Variants in NKAIN2 observed in about 807,000 individuals in gnomAD.
NKAIN2 encodes the protein sodium/potassium-transporting ATPase subunit beta-1-interacting protein 2.
Under a neutral mutation model 32.6 loss-of-function variants are expected in NKAIN2, and 14 were observed. The observed-to-expected ratio is 0.43, with a 90% CI of 0.28 to 0.67. The LOEUF (loss-of-function observed/expected upper bound fraction) is 0.67, where lower values mean the gene tolerates loss of function less well. NKAIN2 is among the 30% of genes least tolerant of loss of function. The pLI is 0.17. For synonymous variants in NKAIN2, 80 were observed against 87.2 expected, an observed-to-expected ratio of 0.92 and a Z score of 0.46; for missense variants, 198 against 258.3, an observed-to-expected ratio of 0.77 and a Z score of 1.60.
At chr6:124,524,721 G>T (rs1562237465) in intron 3 of NKAIN2, among the ~76,000 whole-genome samples, 1 of 152,118 alleles carries the variant, frequency 6.6e-6, no homozygotes. Flanking sequence ...TCAATTTTTT[G>T]AATTTGCATG....
chr6:124,509,272 T>C (rs971643163), intron 3 of NKAIN2, among the ~76,000 whole-genome samples: 1 of 152,278 alleles, frequency 6.6e-6, no homozygotes, highest in East Asian at 1.9e-4. Context: ...CCATTATCAA[T>C]AGGACTTAGA....
At chr6:124,749,544 G>A (rs970246106) in intron 4 of NKAIN2, among the ~76,000 whole-genome samples, 1 of 151,822 alleles carries the variant, frequency 6.6e-6, no homozygotes, top group South Asian at 2.1e-4. Flanking sequence ...AATCTTATAT[G>A]AGCACTCAGG....
At chr6:124,616,879 C>T (rs1782925650) in intron 3 of NKAIN2, among the ~76,000 whole-genome samples, 1 of 151,904 alleles carries the variant, frequency 6.6e-6, no homozygotes, top group African/African-American at 2.4e-5. Context: ...TTGACATATG[C>T]GTGGTTATCC....
intron 1 of NKAIN2, among the ~76,000 whole-genome samples, chr6:124,069,990 T>C (rs1225537288): frequency 6.6e-6 from 1 of 152,206 alleles, no homozygotes; most frequent in African/African-American, 2.4e-5. Flanking sequence ...CACCGAGCTC[T>C]GGTTTAGGAA....
rs139224091 is a variant in NKAIN2, at chr6:123,824,858, A to G, written c.54+20604A>G. Among the ~76,000 whole-genome samples the G allele has an allele frequency of 9.5e-3, 1,450 of 152,140 alleles. 26 individuals are homozygous for G. The highest frequency in any genetic ancestry group is 0.033 in the African/African-American group (1,383 of 41,514). On this transcript the variant is annotated intron_variant, in intron 1 of 6. Coordinates refer to ENST00000368417, the MANE Select transcript of NKAIN2 (RefSeq NM_001040214.3). The stretch of plus-strand genomic sequence containing the variant: ...CACCAGGCAACCTTTTTGCTTTTCT[A>G]CCTGATGGAAAGGTTGGGTTCAATG...
At chr6:124,396,426 A>C (rs1481483207) in intron 3 of NKAIN2, among the ~76,000 whole-genome samples, 2 of 146,128 alleles carry the variant, frequency 1.4e-5, no homozygotes, top group East Asian at 4.0e-4. Context: ...CTGCTATTTG[A>C]TTAAAAAAAA....
At chr6:124,195,197 C>T (rs1582827751) in intron 1 of NKAIN2, among the ~76,000 whole-genome samples, 1 of 151,878 alleles carries the variant, frequency 6.6e-6, no homozygotes, top group East Asian at 1.9e-4. Context: ...TTAGTCTCTA[C>T]AAATAATGTG....
At chr6:124,732,325 T>A (rs1050732776) in intron 4 of NKAIN2, among the ~76,000 whole-genome samples, 2 of 152,046 alleles carry the variant, frequency 1.3e-5, no homozygotes, top group Admixed American at 1.3e-4. Flanking sequence ...ATACGGGCTC[T>A]TACGGAAGCT....
chr6:123,971,748 A>G (rs1366567979), intron 1 of NKAIN2, among the ~76,000 whole-genome samples: 1 of 152,216 alleles, frequency 6.6e-6, no homozygotes, highest in Non-Finnish European at 1.5e-5. Flanking sequence ...AAATCTAACA[A>G]GCACCCAGAC....
intron 1 of NKAIN2, among the ~76,000 whole-genome samples, chr6:123,806,862 C>A (rs1361281844): frequency 1.3e-5 from 2 of 151,978 alleles, no homozygotes; most frequent in Admixed American, 6.6e-5. Context: ...AATCTCCAGT[C>A]CTCGGAGCAA....
At chr6:124,751,427 T>A (rs1175036053) in intron 4 of NKAIN2, among the ~76,000 whole-genome samples, 1 of 151,994 alleles carries the variant, frequency 6.6e-6, no homozygotes, top group East Asian at 1.9e-4. Flanking sequence ...TAAAGTTTAG[T>A]CAACCAGAGG....
chr6:124,183,920 T>C (rs1304143496), intron 1 of NKAIN2, among the ~76,000 whole-genome samples: 8 of 152,134 alleles, frequency 5.3e-5, no homozygotes, highest in African/African-American at 1.9e-4. Context: ...GAAATAGTGA[T>C]GAATAGAGAC....
chr6:124,147,608 CAAAA>C (rs1236550966), intron 1 of NKAIN2, among the ~76,000 whole-genome samples: 1 of 149,270 alleles, frequency 6.7e-6, no homozygotes, highest in Non-Finnish European at 1.5e-5. Flanking sequence ...ATGTCTTCAA[CAAAA>C]AAAAAGCCCA....
chr6:124,644,301 A>G (rs953434672), intron 3 of NKAIN2, among the ~76,000 whole-genome samples: 1 of 152,184 alleles, frequency 6.6e-6, no homozygotes, highest in Non-Finnish European at 1.5e-5. Context: ...CTTTAGATTT[A>G]AAAGTTTTAT....
At chr6:124,342,626 G>A (rs1798182839) in intron 2 of NKAIN2, among the ~76,000 whole-genome samples, 1 of 151,660 alleles carries the variant, frequency 6.6e-6, no homozygotes, top group Non-Finnish European at 1.5e-5. Context: ...TCCCACCTCA[G>A]CCTCCTGAGT....
chr6:124,646,486 T>A (rs984438082), intron 3 of NKAIN2, among the ~76,000 whole-genome samples: 1 of 151,540 alleles, frequency 6.6e-6, no homozygotes, highest in Non-Finnish European at 1.5e-5. Flanking sequence ...GAGGAAAAAA[T>A]TAAGGATATA....
intron 1 of NKAIN2, among the ~76,000 whole-genome samples, chr6:123,949,562 T>A (rs1438852882): frequency 6.6e-6 from 1 of 151,986 alleles, no homozygotes; most frequent in Non-Finnish European, 1.5e-5. Flanking sequence ...ATTTTGTAAC[T>A]ATTGTAAATG....
chr6:124,672,571 T>A (rs1475561275), intron 4 of NKAIN2, among the ~76,000 whole-genome samples: 2 of 152,080 alleles, frequency 1.3e-5, no homozygotes, highest in Non-Finnish European at 2.9e-5. Flanking sequence ...ATCTTTATTT[T>A]TCATAAAAAG....
chr6:123,822,478 A>G (rs1773967102), intron 1 of NKAIN2, among the ~76,000 whole-genome samples: 1 of 152,186 alleles, frequency 6.6e-6, no homozygotes, highest in African/African-American at 2.4e-5. Context: ...CCATGTGGTT[A>G]GCAATATTAG....
Sources: allele counts gnomAD v4.1 joint callset (sites outside exome capture counted in the v4.1 genomes callset), GRCh38; gene constraint gnomAD v4.1.1; transcripts MANE v1.5; gene names NCBI Gene and HGNC (gene_info 2026-07-23, HGNC 2026-07-21).